The following FGF14 variants were observed in gnomAD, a reference collection of about 807,000 sequenced individuals.
FGF14 encodes fibroblast growth factor homologous factor 4.
A neutral mutation model predicts 25.5 loss-of-function variants in FGF14; 5 were observed. The ratio of observed to expected loss-of-function variants is 0.20; its 90% CI spans 0.10 to 0.41. The LOEUF (loss-of-function observed/expected upper bound fraction) is 0.41, where lower values mean the gene tolerates loss of function less well. FGF14 is among the 10% of genes least tolerant of loss of function. The probability of loss-of-function intolerance (pLI) is 1.00; values close to 1 mark genes in which losing one functional copy is unlikely to be tolerated. For missense variants in FGF14, 222 were observed against 320.1 expected, an observed-to-expected ratio of 0.69 and a Z score of 2.34; for synonymous variants, 138 against 118.3, an observed-to-expected ratio of 1.17 and a Z score of -1.08.
At chr13:102,250,897 T>G (rs1376286861) in intron 1 of FGF14, among the ~76,000 whole-genome samples, 1 of 152,192 alleles carries the variant, frequency 6.6e-6, no homozygotes, top group East Asian at 1.9e-4. Context: ...TTATAAATTT[T>G]GTAATAAAAT....
intron 1 of FGF14, among the ~76,000 whole-genome samples, chr13:101,908,071 G>A (rs2032467847): frequency 6.6e-6 from 1 of 152,122 alleles, no homozygotes; most frequent in African/African-American, 2.4e-5. Flanking sequence ...AGTAGAAATG[G>A]GAGAGGAGAC....
intron 1 of FGF14, chr13:102,401,347 A>G: frequency 1.1e-6 from 1 of 899,758 alleles, no homozygotes; most frequent in South Asian, 1.4e-5. Flanking sequence ...TCTATATGCA[A>G]CACTGTCCTG....
In FGF14 at chr13:101,959,058, C is replaced by T. The variant is rs369093958; in HGVS notation, c.209-83762G>A. Among the ~76,000 whole-genome samples the T allele has an allele frequency of 3.7e-4, 56 of 152,294 alleles. 1 individual carries two copies. Among genetic ancestry groups the T allele is most frequent in the African/African-American group, 1.2e-3 (51 of 41,556 alleles). On this transcript the variant is annotated intron_variant, in intron 1 of 4. Coordinates refer to the FGF14 transcript ENST00000376131. ...CAAGCAAACCTTCAATCTTCTAATG[C>T]AGCAGATGACTTCAGGATGACTGTT...
intron 1 of FGF14, among the ~76,000 whole-genome samples, chr13:102,242,910 G>A (rs2051675328): frequency 6.6e-6 from 1 of 152,104 alleles, no homozygotes; most frequent in Admixed American, 6.6e-5. Flanking sequence ...GCATTGGGCT[G>A]CACAGCTAGA....
chr13:102,105,733 A>G (rs1381909027), intron 1 of FGF14, among the ~76,000 whole-genome samples: 1 of 152,236 alleles, frequency 6.6e-6, no homozygotes, highest in Non-Finnish European at 1.5e-5. Flanking sequence ...GTAGCTTATT[A>G]AGCGGAAAAA....
At chr13:102,096,942 A>C (rs1273749030) in intron 1 of FGF14, among the ~76,000 whole-genome samples, 1 of 152,148 alleles carries the variant, frequency 6.6e-6, no homozygotes, top group Non-Finnish European at 1.5e-5. Context: ...AGCCACTGTA[A>C]TTGCCTATTT....
intron 1 of FGF14, among the ~76,000 whole-genome samples, chr13:102,201,497 G>A (rs1041840567): frequency 6.6e-6 from 1 of 152,132 alleles, no homozygotes; most frequent in African/African-American, 2.4e-5. Flanking sequence ...ATTCTCTGAG[G>A]TGTGATTCAC....
intron 1 of FGF14, among the ~76,000 whole-genome samples, chr13:101,964,720 A>G (rs2037076640): frequency 6.6e-6 from 1 of 152,050 alleles, no homozygotes; most frequent in Admixed American, 6.6e-5. Context: ...TTTTCTAGCA[A>G]TTAAAGAATA....
intron 1 of FGF14, among the ~76,000 whole-genome samples, chr13:102,134,196 T>C (rs1010778002): frequency 2.0e-5 from 3 of 152,122 alleles, no homozygotes; most frequent in African/African-American, 4.8e-5. Context: ...ATGAAGGACA[T>C]GGTAGGAAAA....
At chr13:101,864,118 G>A (rs984358915) in intron 3 of FGF14, among the ~76,000 whole-genome samples, 1 of 152,052 alleles carries the variant, frequency 6.6e-6, no homozygotes, top group East Asian at 1.9e-4. Context: ...CTTGATTAAA[G>A]AACTTTCATA....
intron 1 of FGF14, among the ~76,000 whole-genome samples, chr13:102,334,405 C>G (rs563424296): frequency 2.4e-3 from 358 of 152,212 alleles, no homozygotes; most frequent in African/African-American, 8.0e-3. Flanking sequence ...TGGTAGTGCA[C>G]CTTCAAACTC....
intron 1 of FGF14, among the ~76,000 whole-genome samples, chr13:102,322,000 G>A (rs2056261594): frequency 6.6e-6 from 1 of 152,184 alleles, no homozygotes; most frequent in Non-Finnish European, 1.5e-5. Flanking sequence ...ATTAGATTGA[G>A]CCTAGGAAGG....
chr13:102,178,035 A>G (rs1478974200), intron 1 of FGF14, among the ~76,000 whole-genome samples: 1 of 152,054 alleles, frequency 6.6e-6, no homozygotes, highest in Admixed American at 6.6e-5. Flanking sequence ...AACATCCCAA[A>G]CAGAAATCCT....
chr13:101,889,236 T>A (rs1280166171), intron 1 of FGF14, among the ~76,000 whole-genome samples: 5 of 151,884 alleles, frequency 3.3e-5, no homozygotes, highest in African/African-American at 1.2e-4. Context: ...AATTGCCATT[T>A]AAAAAAAATA....
Position 101,714,604 on chromosome 13 carries a change from A to C in FGF14, c.*8227T>G. Reference sequence around the variant, plus strand: ...CTATGCCACAGTTTGTTATAGAGCCAAGAGACACTCGTCATGCAATGCTTT... The same window carrying C: ...CTATGCCACAGTTTGTTATAGAGCCCAGAGACACTCGTCATGCAATGCTTT... On this transcript the variant is annotated 3_prime_UTR_variant, in exon 5 of 5. Transcript: ENST00000376143. 1 of 1,054,466 alleles carries C rather than the reference A, an allele frequency of 9.5e-7. No homozygotes were observed. Among genetic ancestry groups the C allele is most frequent in the Non-Finnish European group, 1.5e-6 (1 of 670,058 alleles). 65.3% of individuals were successfully genotyped at this position (1,054,466 alleles called of 1,614,324 possible).
At chr13:102,308,261 G>GT (rs1460175315) in intron 1 of FGF14, among the ~76,000 whole-genome samples, 1 of 152,134 alleles carries the variant, frequency 6.6e-6, no homozygotes, top group Non-Finnish European at 1.5e-5. Context: ...GAGGATATTT[G>GT]TGTTTAACAA....
intron 1 of FGF14, among the ~76,000 whole-genome samples, chr13:102,386,109 T>C (rs1321119527): frequency 6.6e-6 from 1 of 151,906 alleles, no homozygotes; most frequent in Non-Finnish European, 1.5e-5. Context: ...GAGATAAGAA[T>C]AGCTCCCAAC....
intron 1 of FGF14, among the ~76,000 whole-genome samples, chr13:102,208,974 C>T (rs1169802127): frequency 6.6e-6 from 1 of 152,212 alleles, no homozygotes; most frequent in Non-Finnish European, 1.5e-5. Flanking sequence ...CAGAATCACA[C>T]TCCAAAAGTG....
At chr13:102,055,483 A>ACT (rs1271889906) in intron 1 of FGF14, among the ~76,000 whole-genome samples, 1 of 152,222 alleles carries the variant, frequency 6.6e-6, no homozygotes, top group Non-Finnish European at 1.5e-5. Flanking sequence ...TTCCTGTTGA[A>ACT]CACCATTCAA....
Sources: allele counts gnomAD v4.1 joint callset (sites outside exome capture counted in the v4.1 genomes callset), GRCh38; gene constraint gnomAD v4.1.1; transcripts MANE v1.5; gene names NCBI Gene and HGNC (gene_info 2026-07-23, HGNC 2026-07-21).